The following GUCY1A2 variants were observed in gnomAD, a reference collection of about 807,000 sequenced individuals.
The protein encoded by GUCY1A2 is guanylate cyclase 1 soluble subunit alpha 2, also known as guanylate cyclase soluble subunit alpha-2.
In GUCY1A2, 27 loss-of-function variants were observed where a neutral mutation model predicts 63.5. That is an observed-to-expected ratio of 0.43 (90% CI 0.31 to 0.59). The LOEUF (loss-of-function observed/expected upper bound fraction) is 0.59, where lower values mean the gene tolerates loss of function less well. Ranked by LOEUF, GUCY1A2 falls within the 20% of genes least tolerant of loss-of-function variation. The pLI is 0.11. For missense variants in GUCY1A2, 768 were observed against 913.3 expected, an observed-to-expected ratio of 0.84 and a Z score of 2.05; for synonymous variants, 364 against 343.5, an observed-to-expected ratio of 1.06 and a Z score of -0.66.
intron 4 of GUCY1A2, among the ~76,000 whole-genome samples, chr11:106,835,323 C>A (rs1859102099): frequency 6.6e-6 from 1 of 150,968 alleles, no homozygotes. Context: ...TTAGATGCCA[C>A]TAAAGAAAGT....
At chr11:106,894,544 C>G (rs994390277) in intron 4 of GUCY1A2, among the ~76,000 whole-genome samples, 6 of 152,152 alleles carry the variant, frequency 3.9e-5, no homozygotes, top group Non-Finnish European at 8.8e-5. Flanking sequence ...AAACCACAAT[C>G]TGGGCCATAA....
At chr11:106,735,580 G>A (rs978291869) in intron 6 of GUCY1A2, among the ~76,000 whole-genome samples, 5 of 152,224 alleles carry the variant, frequency 3.3e-5, no homozygotes, top group South Asian at 2.1e-4. Flanking sequence ...TGTGACTAGC[G>A]TTACAATAAA....
chr11:106,981,790 C>A (rs1467304013), intron 2 of GUCY1A2, among the ~76,000 whole-genome samples: 1 of 151,544 alleles, frequency 6.6e-6, no homozygotes, highest in African/African-American at 2.4e-5. Context: ...AAGAAAACTG[C>A]AGTTAGAACA....
In GUCY1A2 at chr11:106,853,321, CTTTTA is replaced by C. The variant is rs550628546; in HGVS notation, c.1207-42848_1207-42844del. On this transcript the variant is annotated intron_variant, in intron 4 of 7. Coordinates refer to ENST00000526355, the MANE Select transcript of GUCY1A2 (RefSeq NM_000855.3). ...TGTGTCACATGGATGTTCTTCACTC[CTTTTA>C]TTTTCTTTTGGCTTTTTAAAATTTT... Among the ~76,000 whole-genome samples, 623 of 152,064 alleles carry C rather than the reference CTTTTA, an allele frequency of 4.1e-3. 2 individuals are homozygous for C. The highest frequency in any genetic ancestry group is 0.014 in the African/African-American group (590 of 41,500).
At chr11:106,812,075 G>A (rs1049162530) in intron 4 of GUCY1A2, among the ~76,000 whole-genome samples, 1 of 151,914 alleles carries the variant, frequency 6.6e-6, no homozygotes, top group African/African-American at 2.4e-5. Context: ...CTTTAGGGTA[G>A]GAGTGTTGCT....
chr11:106,951,457 C>T (rs1487843343), intron 3 of GUCY1A2, among the ~76,000 whole-genome samples: 1 of 152,176 alleles, frequency 6.6e-6, no homozygotes, highest in East Asian at 1.9e-4. Flanking sequence ...GATGGTATCT[C>T]ATTGTGCTTT....
rs1338765474 is a variant in GUCY1A2, at chr11:106,680,652, A to G, written c.*6897T>C. 1 of 199,992 alleles carries G rather than the reference A, an allele frequency of 5.0e-6. No homozygotes were observed. The highest frequency in any genetic ancestry group is 1.0e-5 in the Non-Finnish European group (1 of 96,946). The allele number at this position is 199,992 out of a possible 1,614,324, so 12.4% of individuals were successfully genotyped here. A position where few individuals can be genotyped will look rare whatever the true frequency, so the allele number is the denominator to read the frequency against. ...TAAGGATTTAAGGATCCAGTGATAT[A>G]CAAGAGGATAATTGTCAAAGCCTCA... On this transcript the variant is annotated 3_prime_UTR_variant, in exon 8 of 8. Transcript: ENST00000526355.
intron 1 of GUCY1A2, among the ~76,000 whole-genome samples, chr11:107,016,175 C>CAA (rs1406905176): frequency 6.6e-6 from 1 of 152,146 alleles, no homozygotes; most frequent in African/African-American, 2.4e-5. Context: ...GTAGTAATCT[C>CAA]AAAAGAGAGA....
At chr11:106,739,968 C>CCA (rs1178868580) in intron 6 of GUCY1A2, among the ~76,000 whole-genome samples, 1 of 151,518 alleles carries the variant, frequency 6.6e-6, no homozygotes, top group African/African-American at 2.4e-5. Context: ...GCCGTAAGTA[C>CCA]CACTACCTTT....
chr11:106,724,345 A>G (rs1307331338), intron 6 of GUCY1A2, among the ~76,000 whole-genome samples: 1 of 152,246 alleles, frequency 6.6e-6, no homozygotes, highest in African/African-American at 2.4e-5. Flanking sequence ...ATAACCCAGT[A>G]AGGAACTTTT....
intron 4 of GUCY1A2, among the ~76,000 whole-genome samples, chr11:106,912,923 T>C (rs1257469212): frequency 6.6e-6 from 1 of 152,152 alleles, no homozygotes; most frequent in East Asian, 1.9e-4. Context: ...AAACCTATAC[T>C]GATTTCTACC....
At chr11:106,811,857 A>G (rs1332490037) in intron 4 of GUCY1A2, among the ~76,000 whole-genome samples, 1 of 152,072 alleles carries the variant, frequency 6.6e-6, no homozygotes, top group Non-Finnish European at 1.5e-5. Flanking sequence ...TGATAAGGAT[A>G]GAAAGATAAA....
intron 6 of GUCY1A2, among the ~76,000 whole-genome samples, chr11:106,718,985 C>G (rs17649831): frequency 0.2 from 30,003 of 152,044 alleles, 3,526 homozygotes; most frequent in South Asian, 0.27. Flanking sequence ...TAACCAATGG[C>G]ACTAAGGATA....
rs903748675 is a variant in GUCY1A2, at chr11:106,678,440, G to A, written c.*9109C>T. ...CAAAAAAGGAGACAGCCTTTCAAGT[G>A]GTTAGATACATAAATATTGATCCAG... On this transcript the variant is annotated 3_prime_UTR_variant, in exon 8 of 8. Transcript: ENST00000526355. 1 of 212,396 alleles carries A rather than the reference G, an allele frequency of 4.7e-6. No individual in the cohort carries two copies. The highest frequency in any genetic ancestry group is 2.3e-5 in the African/African-American group (1 of 44,152). The allele number at this position is 212,396 out of a possible 1,614,324, so 13.2% of individuals were successfully genotyped here.
At chr11:106,846,190 T>C (rs980077774) in intron 4 of GUCY1A2, among the ~76,000 whole-genome samples, 10 of 147,726 alleles carry the variant, frequency 6.8e-5, no homozygotes, top group Non-Finnish European at 1.4e-4. Context: ...GTTGAGAAAA[T>C]TGGGAAAATG....
At chr11:106,942,607 T>A (rs762007792) in intron 3 of GUCY1A2, among the ~76,000 whole-genome samples, 1 of 152,234 alleles carries the variant, frequency 6.6e-6, no homozygotes, top group African/African-American at 2.4e-5. Flanking sequence ...TTCAAAAGAC[T>A]TCAGGTCCAT....
At chr11:106,860,619 A>G (rs1859498239) in intron 4 of GUCY1A2, among the ~76,000 whole-genome samples, 1 of 152,014 alleles carries the variant, frequency 6.6e-6, no homozygotes. Flanking sequence ...AAGTGAGAGC[A>G]TAATGAATTC....
At chr11:106,821,024 ATTC>A (rs941154754) in intron 4 of GUCY1A2, among the ~76,000 whole-genome samples, 12 of 130,592 alleles carry the variant, frequency 9.2e-5, no homozygotes, top group African/African-American at 3.2e-4. Flanking sequence ...ATGGATTTGA[ATTC>A]TTTTTTGATA....
chr11:106,797,181 C>G (rs901612453), intron 5 of GUCY1A2, among the ~76,000 whole-genome samples: 1 of 152,022 alleles, frequency 6.6e-6, no homozygotes, highest in Non-Finnish European at 1.5e-5. Flanking sequence ...TTCGTCTAAT[C>G]TTTTTTCAAG....
Sources: gnomAD v4.1 joint callset for allele counts (sites outside exome capture counted in the v4.1 genomes callset) on GRCh38, gnomAD v4.1.1 for gene constraint, MANE v1.5 for transcripts, NCBI Gene and HGNC (gene_info 2026-07-23, HGNC 2026-07-21) for gene names.